The following CCDC3 variants were observed in gnomAD, a reference collection of about 807,000 sequenced individuals.
CCDC3 encodes coiled-coil domain containing 3, also known as coiled-coil domain-containing protein 3.
In CCDC3, 24 loss-of-function variants were observed where a neutral mutation model predicts 21.4. That is an observed-to-expected ratio of 1.12 (90% confidence interval 0.81 to 1.58). CCDC3 has a LOEUF of 1.58. CCDC3 is among the 40% of genes most tolerant of loss of function. CCDC3 has a pLI of 0.00. For missense variants in CCDC3, 425 were observed against 360.9 expected (o/e 1.18, Z -1.44); for synonymous variants, 186 against 166.0 (o/e 1.12, Z -0.93).
chr10:13,019,516 A>C (rs540025949), intron 5 of CCDC3, among the ~76,000 whole-genome samples: 382 of 152,304 alleles, frequency 2.5e-3, no homozygotes, highest in Middle Eastern at 6.8e-3. Flanking sequence ...TAGAGGTATC[A>C]CGTGATCAGC....
chr10:13,051,685 TAGA>T (rs1836609765), intron 4 of CCDC3, among the ~76,000 whole-genome samples: 1 of 151,770 alleles, frequency 6.6e-6, no homozygotes, highest in African/African-American at 2.4e-5. Context: ...AAGGCTGGGG[TAGA>T]AGGAGGGGCA....
chr10:12,982,135 A>G (rs1835507960), intron 2 of CCDC3, among the ~76,000 whole-genome samples: 1 of 145,338 alleles, frequency 6.9e-6, no homozygotes, highest in Non-Finnish European at 1.5e-5. Flanking sequence ...AAAAAAAAAA[A>G]AAAAAAAAAA....
chr10:12,953,890 T>C (rs1194112232), intron 2 of CCDC3, among the ~76,000 whole-genome samples: 2 of 152,220 alleles, frequency 1.3e-5, no homozygotes, highest in Non-Finnish European at 2.9e-5. Context: ...ATATTTCAGC[T>C]TTGTGGGCCA....
At chr10:13,057,730 T>A (rs376032033) in intron 4 of CCDC3, among the ~76,000 whole-genome samples, 43 of 151,900 alleles carry the variant, frequency 2.8e-4, no homozygotes, top group African/African-American at 9.9e-4. Context: ...ATACAAAAAA[T>A]TAGCTGGGCG....
intron 1 of CCDC3, among the ~76,000 whole-genome samples, chr10:12,998,876 A>T (rs1419968419): frequency 1.3e-5 from 2 of 152,124 alleles, no homozygotes; most frequent in African/African-American, 4.8e-5. Flanking sequence ...TGTCTTTGCT[A>T]TTTATCTTCT....
At chr10:12,898,770 A>T (rs778819417) in intron 2 of CCDC3, 91 bp from the exon 3 acceptor site, 3 of 1,449,516 alleles carry the variant, frequency 2.1e-6, no homozygotes, top group African/African-American at 1.4e-5. Context: ...CCGAGTGCTG[A>T]CAGCAACACA....
intron 2 of CCDC3, among the ~76,000 whole-genome samples, chr10:12,901,348 A>T (rs1337332826): frequency 6.6e-6 from 1 of 152,006 alleles, no homozygotes; most frequent in African/African-American, 2.4e-5. Flanking sequence ...GGCTCACTGC[A>T]ATCCTCCACC....
intron 3 of CCDC3, among the ~76,000 whole-genome samples, chr10:13,092,170 G>A (rs993467628): frequency 4.6e-5 from 7 of 152,164 alleles, no homozygotes; most frequent in African/African-American, 1.4e-4. Flanking sequence ...CTTTTGTGCT[G>A]AAGGTGAATT....
At chr10:12,932,501 C>T (rs1834662575) in intron 2 of CCDC3, among the ~76,000 whole-genome samples, 1 of 152,178 alleles carries the variant, frequency 6.6e-6, no homozygotes, top group South Asian at 2.1e-4. Flanking sequence ...AAGCAATTGA[C>T]TTTTGTCTGT....
At chr10:13,072,960 G>A (rs976142273) in intron 4 of CCDC3, among the ~76,000 whole-genome samples, 1 of 148,162 alleles carries the variant, frequency 6.7e-6, no homozygotes, top group Non-Finnish European at 1.5e-5. Flanking sequence ...TCCACCTCCT[G>A]GGTTCAAGCG....
chr10:13,001,089 T>C, intron 1 of CCDC3, 108 bp downstream of exon 1: 2 of 1,403,324 alleles, frequency 1.4e-6, no homozygotes, highest in Middle Eastern at 4.9e-4. Context: ...CATTCTCACT[T>C]GACACCGACA....
chr10:13,090,747 A>C (rs1037049643), intron 3 of CCDC3, among the ~76,000 whole-genome samples: 1 of 152,212 alleles, frequency 6.6e-6, no homozygotes, highest in Admixed American at 6.5e-5. Context: ...GTTATTAGTC[A>C]GGGTTCTCTA....
intron 5 of CCDC3, among the ~76,000 whole-genome samples, chr10:13,048,394 A>G (rs188668547): frequency 8.8e-4 from 134 of 152,120 alleles, no homozygotes; most frequent in Non-Finnish European, 1.6e-3. Context: ...GGGTTTCACC[A>G]TGTTGGCCAG....
intron 2 of CCDC3, among the ~76,000 whole-genome samples, chr10:12,939,733 G>A (rs953751955): frequency 1.2e-4 from 18 of 152,256 alleles, no homozygotes; most frequent in Admixed American, 9.8e-4. Flanking sequence ...AAAATTGCTT[G>A]ATATGACATA....
intron 2 of CCDC3, among the ~76,000 whole-genome samples, chr10:12,934,759 CTGTTTGCTTTTG>C (rs1834708338): frequency 6.6e-6 from 1 of 152,062 alleles, no homozygotes; most frequent in African/African-American, 2.4e-5. Context: ...ATAGCTACTC[CTGTTTGCTTTTG>C]ATTAGTGTTG....
chr10:13,087,932 T>G (rs1837131782), intron 3 of CCDC3, among the ~76,000 whole-genome samples: 1 of 152,186 alleles, frequency 6.6e-6, no homozygotes, highest in Non-Finnish European at 1.5e-5. Flanking sequence ...CGGATAGCAT[T>G]GCAAGCTGAG....
Position 12,918,765 on chromosome 10 carries a change from C to T in CCDC3, c.550-20086G>A, listed in dbSNP as rs116461274. 1.7e-3 allele frequency among the ~76,000 whole-genome samples: 265 copies of T among 152,254 alleles called. 3 individuals carry two copies. Among genetic ancestry groups the T allele is most frequent in the African/African-American group, 5.8e-3 (243 of 41,542 alleles). On this transcript the variant is annotated intron_variant, in intron 2 of 2. Coordinates refer to ENST00000378825, the MANE Select transcript of CCDC3 (RefSeq NM_031455.4). ...CATTATCGAGTAGAAAAAAAAGACA[C>T]CAAGTTGGCCGGGCACGGTGGCTCA... is the stretch of plus-strand genomic sequence containing the variant.
At chr10:12,982,809 A>C (rs11815321) in intron 2 of CCDC3, among the ~76,000 whole-genome samples, 2 of 146,018 alleles carry the variant, frequency 1.4e-5, no homozygotes, top group Non-Finnish European at 3.0e-5. Flanking sequence ...AAAAAAAAAA[A>C]AAAAAAAAAA....
At chr10:12,937,544 C>T (rs768275463) in intron 2 of CCDC3, among the ~76,000 whole-genome samples, 2 of 152,090 alleles carry the variant, frequency 1.3e-5, no homozygotes, top group Non-Finnish European at 2.9e-5. Context: ...CTCACTGCAG[C>T]CTCGACCTCC....
Sources: gnomAD v4.1 joint callset for allele counts (sites outside exome capture counted in the v4.1 genomes callset) on GRCh38, gnomAD v4.1.1 for gene constraint, MANE v1.5 for transcripts, NCBI Gene and HGNC (gene_info 2026-07-23, HGNC 2026-07-21) for gene names.